Variants in SH3BGRL2 observed in about 807,000 individuals in gnomAD.
The protein encoded by SH3BGRL2 is SH3 domain-binding glutamic acid-rich-like protein 2.
In SH3BGRL2, 21 loss-of-function variants were observed where a neutral mutation model predicts 14.8. That is an observed-to-expected ratio of 1.42 (90% CI 1.01 to 2.05). The LOEUF (loss-of-function observed/expected upper bound fraction) is 2.05. Among genes scored for constraint, SH3BGRL2 ranks in the 30% most tolerant of loss-of-function variants. The pLI, the probability that SH3BGRL2 is intolerant of heterozygous loss-of-function variation, is 0.00. For synonymous variants in SH3BGRL2, 50 were observed against 47.8 expected, an observed-to-expected ratio of 1.05 and a Z score of -0.19; for missense variants, 147 against 130.8, an observed-to-expected ratio of 1.12 and a Z score of -0.61.
At chr6:79,545,268 G>GTGA in the SH3BGRL2 span, among the ~76,000 whole-genome samples, 2 of 152,160 alleles carry the variant, frequency 1.3e-5, no homozygotes, top group African/African-American at 4.8e-5. Flanking sequence ...GGGCATGCTT[G>GTGA]TGATGTCAGA....
At chr6:79,547,579 C>T in the SH3BGRL2 span, among the ~76,000 whole-genome samples, 14 of 152,254 alleles carry the variant, frequency 9.2e-5, no homozygotes, top group East Asian at 1.6e-3. Context: ...CCTCTCCCTC[C>T]GCCAGAGACT....
At chr6:79,698,597 T>A (rs779646687) in intron 3 of SH3BGRL2, among the ~76,000 whole-genome samples, 3 of 152,102 alleles carry the variant, frequency 2.0e-5, no homozygotes, top group Non-Finnish European at 4.4e-5. Context: ...AGGCTCTGAC[T>A]GGGCTGCCCT....
At chr6:79,573,959 A>ACCTAATTCTT in the SH3BGRL2 span, 1 of 152,178 alleles carries the variant, frequency 6.6e-6, no homozygotes, top group Non-Finnish European at 1.5e-5. Flanking sequence ...TTCTCTAATT[A>ACCTAATTCTT]CTAGGTACAA....
the SH3BGRL2 span, among the ~76,000 whole-genome samples, chr6:79,566,964 G>A: frequency 6.6e-6 from 1 of 151,486 alleles, no homozygotes; most frequent in South Asian, 2.1e-4. Flanking sequence ...AGTTTTATTA[G>A]AAACTTAAAT....
intron 2 of SH3BGRL2, among the ~76,000 whole-genome samples, chr6:79,688,418 G>A (rs1770145047): frequency 6.6e-6 from 1 of 152,114 alleles, no homozygotes; most frequent in African/African-American, 2.4e-5. Flanking sequence ...ACCAGCTTCT[G>A]AAATGGGCAA....
the SH3BGRL2 span, chr6:79,575,143 A>G: frequency 7.9e-5 from 12 of 152,236 alleles, no homozygotes; most frequent in African/African-American, 2.7e-4. Context: ...GCCATCTCTC[A>G]TCAACCACAA....
At chr6:79,617,052 G>T in the SH3BGRL2 span, among the ~76,000 whole-genome samples, 1 of 152,042 alleles carries the variant, frequency 6.6e-6, no homozygotes, top group African/African-American at 2.4e-5. Flanking sequence ...AGGTGTGGTG[G>T]CGCATGTCTG....
chr6:79,674,394 A>T (rs115813553), intron 2 of SH3BGRL2, among the ~76,000 whole-genome samples: 2,092 of 152,250 alleles, frequency 0.014, 47 homozygotes, highest in African/African-American at 0.048. Flanking sequence ...ATACGAGAAG[A>T]TGAAAAAGTC....
At chr6:79,634,107 G>A (rs1768877312) in intron 1 of SH3BGRL2, among the ~76,000 whole-genome samples, 1 of 152,204 alleles carries the variant, frequency 6.6e-6, no homozygotes, top group South Asian at 2.1e-4. Context: ...ACTTAGCCAA[G>A]TAAGTCCCAG....
chr6:79,574,130 G>A, the SH3BGRL2 span: 1 of 152,186 alleles, frequency 6.6e-6, no homozygotes, highest in Non-Finnish European at 1.5e-5. Flanking sequence ...CACATCATGT[G>A]GGAGAATCCT....
chr6:79,579,230 A>G, the SH3BGRL2 span, among the ~76,000 whole-genome samples: 1 of 152,220 alleles, frequency 6.6e-6, no homozygotes, highest in African/African-American at 2.4e-5. Flanking sequence ...ACACTGCAGG[A>G]TATTATCCAG....
chr6:79,663,953 AGGGCGTGG>A (rs1769606053), intron 1 of SH3BGRL2, among the ~76,000 whole-genome samples: 1 of 152,186 alleles, frequency 6.6e-6, no homozygotes, highest in Non-Finnish European at 1.5e-5. Context: ...CAAGACTACC[AGGGCGTGG>A]GGCCTGCCAA....
intron 2 of SH3BGRL2, among the ~76,000 whole-genome samples, chr6:79,692,061 G>C (rs1444504219): frequency 3.3e-5 from 5 of 152,240 alleles, no homozygotes; most frequent in Non-Finnish European, 1.5e-5. Context: ...ACTGGTGTGA[G>C]ATGGTATCTC....
At chr6:79,581,169 T>C in the SH3BGRL2 span, among the ~76,000 whole-genome samples, 3 of 151,934 alleles carry the variant, frequency 2.0e-5, no homozygotes, top group East Asian at 3.9e-4. Flanking sequence ...CCAAAAAAAG[T>C]CCAGGACCAG....
At chr6:79,681,866 C>T (rs761687957) in intron 2 of SH3BGRL2, among the ~76,000 whole-genome samples, 7 of 151,926 alleles carry the variant, frequency 4.6e-5, no homozygotes, top group African/African-American at 9.7e-5. Context: ...ACAGGAGAAT[C>T]GCTTGATCCC....
At chr6:79,540,809 T>C in the SH3BGRL2 span, among the ~76,000 whole-genome samples, 1 of 152,302 alleles carries the variant, frequency 6.6e-6, no homozygotes, top group Non-Finnish European at 1.5e-5. Context: ...CTTCCATTAA[T>C]AAGTGATTCA....
chr6:79,625,188 A>G, the SH3BGRL2 span, among the ~76,000 whole-genome samples: 1 of 144,964 alleles, frequency 6.9e-6, no homozygotes, highest in Non-Finnish European at 1.5e-5. Context: ...AAAAAAATAT[A>G]TATATACACA....
At chr6:79,557,893 A>ACAGACT in the SH3BGRL2 span, among the ~76,000 whole-genome samples, 1 of 152,164 alleles carries the variant, frequency 6.6e-6, no homozygotes, top group South Asian at 2.1e-4. Context: ...ATCAGTCTGG[A>ACAGACT]ATGGACAGAC....
the SH3BGRL2 span, among the ~76,000 whole-genome samples, chr6:79,539,392 AACC>A: frequency 6.6e-6 from 1 of 152,252 alleles, no homozygotes; most frequent in Non-Finnish European, 1.5e-5. Context: ...AAGTTATCAA[AACC>A]ACATTTATAT....
Sources: allele counts gnomAD v4.1 joint callset (sites outside exome capture counted in the v4.1 genomes callset), GRCh38; gene constraint gnomAD v4.1.1; transcripts MANE v1.5; gene names NCBI Gene and HGNC (gene_info 2026-07-23, HGNC 2026-07-21).